LARP1B: variants seen among roughly 807,000 people sequenced by gnomAD.
The protein encoded by LARP1B is la-related protein 1B.
LARP1B carries 76 observed loss-of-function variants against 114.2 expected under a neutral mutation model. The ratio of observed to expected loss-of-function variants is 0.67; its 90% CI spans 0.55 to 0.81. The LOEUF (loss-of-function observed/expected upper bound fraction) is 0.81, where lower values mean the gene tolerates loss of function less well. LARP1B is among the 30% of genes least tolerant of loss of function. LARP1B has a pLI of 0.00. For synonymous variants in LARP1B, 345 were observed against 348.0 expected (o/e 0.99, Z 0.10); for missense variants, 1,014 against 1,075.8 (o/e 0.94, Z 0.80).
At chr4:128,098,768 T>TATATATATATATATATATATGTA (rs58280279) in intron 8 of LARP1B, among the ~76,000 whole-genome samples, 1 of 18,898 alleles carries the variant, frequency 5.3e-5, no homozygotes, top group African/African-American at 2.1e-4. Flanking sequence ...TATATATATA[T>TATATATATATATATATATATGTA]TTTTTTTTTT....
intron 5 of LARP1B, 152 bp from the exon 6 acceptor site, chr4:128,090,849 G>T: frequency 1.8e-6 from 1 of 550,366 alleles, no homozygotes; most frequent in Non-Finnish European, 3.1e-6. Context: ...AATTCTTATT[G>T]GATCTCTTCA....
At chr4:128,194,750 C>T (rs761083758) in intron 15 of LARP1B, among the ~76,000 whole-genome samples, 1 of 148,780 alleles carries the variant, frequency 6.7e-6, no homozygotes, top group Non-Finnish European at 1.5e-5. Flanking sequence ...ACTGGTAATC[C>T]CAACTACTTA....
At chr4:128,101,596 C>A (rs1384895130) in intron 8 of LARP1B, among the ~76,000 whole-genome samples, 1 of 147,474 alleles carries the variant, frequency 6.8e-6, no homozygotes, top group Non-Finnish European at 1.5e-5. Context: ...GCTCTTAGAG[C>A]AAATATTATG....
intron 11 of LARP1B, among the ~76,000 whole-genome samples, chr4:128,124,232 CA>C (rs1250460218): frequency 6.6e-6 from 1 of 152,094 alleles, no homozygotes; most frequent in African/African-American, 2.4e-5. Flanking sequence ...AATAAACCCA[CA>C]ATAAGTACTT....
intron 8 of LARP1B, among the ~76,000 whole-genome samples, chr4:128,098,767 A>AGATATTTTTT (rs1779125672): frequency 2.9e-5 from 1 of 35,036 alleles, no homozygotes; most frequent in African/African-American, 1.3e-4. Flanking sequence ...ATATATATAT[A>AGATATTTTTT]TTTTTTTTTT....
chr4:128,106,365 T>C (rs976370338), intron 8 of LARP1B, among the ~76,000 whole-genome samples: 2 of 152,204 alleles, frequency 1.3e-5, no homozygotes, highest in Admixed American at 1.3e-4. Context: ...TAAAATGTAG[T>C]GGGCTTTAAT....
chr4:128,160,518 CTTCTTGTG>C (rs1737971350), intron 11 of LARP1B, among the ~76,000 whole-genome samples: 1 of 151,934 alleles, frequency 6.6e-6, no homozygotes, highest in Non-Finnish European at 1.5e-5. Context: ...GATTTGTACA[CTTCTTGTG>C]TGTGTGTGTG....
At chr4:128,213,340 T>A (rs1322717280), downstream of LARP1B, among the ~76,000 whole-genome samples, 1 of 152,202 alleles carries the variant, frequency 6.6e-6, no homozygotes. Flanking sequence ...TTATTAACCA[T>A]ATTGTTTGTA....
intron 8 of LARP1B, among the ~76,000 whole-genome samples, chr4:128,099,335 T>G (rs1405897751): frequency 6.6e-6 from 1 of 151,050 alleles, no homozygotes; most frequent in East Asian, 1.9e-4. Context: ...TTGCCCAGTA[T>G]GGAGTGCAGT....
Position 128,194,735 on chromosome 4 carries a change from C to T in LARP1B, c.2004-4704C>T, listed in dbSNP as rs1301886224. Among the ~76,000 whole-genome samples the T allele has an allele frequency of 5.7e-5, 8 of 139,674 alleles. 1 individual carries two copies. In the South Asian group the frequency reaches 9.5e-4, roughly 17 times the overall value. The allele number at this position is 139,674 out of a possible 152,430, so 91.6% of individuals were successfully genotyped here. ...AAGTTTTCTTGGCTGGATGTGGTGG[C>T]GCTCACTGGTAATCCCAACTACTTA... On this transcript the variant is annotated intron_variant, in intron 15 of 19. Coordinates refer to ENST00000326639, the MANE Select transcript of LARP1B (RefSeq NM_018078.4).
chr4:128,093,376 C>A (rs755380472), intron 7 of LARP1B, among the ~76,000 whole-genome samples: 1 of 152,048 alleles, frequency 6.6e-6, no homozygotes, highest in Non-Finnish European at 1.5e-5. Context: ...GCGGGCGGAT[C>A]ACGAGGTCAG....
intron 11 of LARP1B, among the ~76,000 whole-genome samples, chr4:128,132,305 C>T (rs926214736): frequency 2.0e-5 from 3 of 152,064 alleles, no homozygotes; most frequent in Admixed American, 6.5e-5. Flanking sequence ...AGTGCAGTGG[C>T]GCGATCTTGG....
chr4:128,067,055 G>A lies in LARP1B; in HGVS notation c.-78+5654G>A, dbSNP rs1403883810. 2.6e-5 allele frequency among the ~76,000 whole-genome samples: 4 copies of A among 151,268 alleles called. No homozygotes were observed. The South Asian group carries it at 6.3e-4, about 24-fold the overall frequency. ...GCTCCTGACCTCAGTTGATGCGCCC[G>A]CTTCGGCCTCCCAAAGTGCTGGGAT... is the stretch of plus-strand genomic sequence containing the variant. On this transcript the variant is annotated intron_variant, in intron 1 of 19. Transcript: ENST00000326639.
At chr4:128,169,157 A>G (rs929783009) in intron 12 of LARP1B, among the ~76,000 whole-genome samples, 2 of 151,630 alleles carry the variant, frequency 1.3e-5, no homozygotes, top group Admixed American at 6.6e-5. Context: ...TTTTGTCTTG[A>G]TCGATCTAGC....
At chr4:128,176,169 AT>A (rs764433337) in intron 12 of LARP1B, among the ~76,000 whole-genome samples, 52 of 142,084 alleles carry the variant, frequency 3.7e-4, no homozygotes, top group East Asian at 2.4e-3. Context: ...AAATATATAT[AT>A]TATATATAAA....
chr4:128,202,522 G>A (rs934191715), intron 17 of LARP1B, among the ~76,000 whole-genome samples: 4 of 152,116 alleles, frequency 2.6e-5, no homozygotes, highest in Non-Finnish European at 5.9e-5. Flanking sequence ...TATTTTTCAT[G>A]GTATTGGACC....
intron 11 of LARP1B, chr4:128,155,714 GAGTAAGGCCCGAGCGGAACAAGCT>G (rs1735256235): frequency 6.2e-7 from 1 of 1,607,732 alleles, no homozygotes; most frequent in Non-Finnish European, 8.5e-7. Context: ...GAGCGCCGCC[GAGTAAGGCCCGAGCGGAACAAGCT>G]GGCTGCGGCC....
chr4:128,156,975 C>T (rs879922225), intron 11 of LARP1B, among the ~76,000 whole-genome samples: 1 of 151,002 alleles, frequency 6.6e-6, no homozygotes, highest in Non-Finnish European at 1.5e-5. Context: ...CATCCTAAGC[C>T]TCAAGCTTTT....
chr4:128,069,297 C>T (rs1051538774), intron 1 of LARP1B: 2 of 860,046 alleles, frequency 2.3e-6, no homozygotes, highest in South Asian at 1.3e-5. Flanking sequence ...TTTTAGAGCC[C>T]CACAGTGGCA....
Sources: allele counts gnomAD v4.1 joint callset (sites outside exome capture counted in the v4.1 genomes callset), GRCh38; gene constraint gnomAD v4.1.1; transcripts MANE v1.5; gene names NCBI Gene and HGNC (gene_info 2026-07-23, HGNC 2026-07-21).